Variants in ZNF469 observed in about 807,000 individuals in gnomAD.
ZNF469 encodes zinc finger protein 469.
A neutral mutation model predicts 1.0 loss-of-function variants in ZNF469; 1 was observed. The ratio of observed to expected loss-of-function variants is 1.00; its 90% CI spans 0.35 to 4.73. The LOEUF (loss-of-function observed/expected upper bound fraction) is 4.73, where lower values mean the gene tolerates loss of function less well. Ranked by LOEUF, ZNF469 falls within the 30% of genes most tolerant of loss-of-function variation. The pLI, the probability that ZNF469 is intolerant of heterozygous loss-of-function variation, is 0.16. For synonymous variants in ZNF469, 2,703 were observed against 2,363.4 expected, an observed-to-expected ratio of 1.14 and a Z score of -4.17; for missense variants, 6,100 against 5,356.3, an observed-to-expected ratio of 1.14 and a Z score of -4.33.
At chr16:88,421,762 T>C (rs1045097629) in intron 1 of ZNF469, among the ~76,000 whole-genome samples, 2 of 152,256 alleles carry the variant, frequency 1.3e-5, no homozygotes, top group Non-Finnish European at 2.9e-5. Flanking sequence ...TAGACAGTCC[T>C]GCCTTCAAAT....
the ZNF469 span, among the ~76,000 whole-genome samples, chr16:88,238,486 C>T: frequency 1.3e-5 from 2 of 152,196 alleles, no homozygotes; most frequent in South Asian, 2.1e-4. Flanking sequence ...GATAGATAGA[C>T]CCCAGATAGA....
At chr16:88,330,055 G>A in the ZNF469 span, among the ~76,000 whole-genome samples, 1 of 152,264 alleles carries the variant, frequency 6.6e-6, no homozygotes, top group African/African-American at 2.4e-5. Flanking sequence ...TGAAATGCCA[G>A]GCATAGGCAA....
At chr16:88,178,439 C>G in the ZNF469 span, 1 of 152,242 alleles carries the variant, frequency 6.6e-6, no homozygotes, top group Non-Finnish European at 1.5e-5. Context: ...ACAGGGGCAC[C>G]AGGCCCTAAG....
chr16:88,163,936 ATG>A, the ZNF469 span, among the ~76,000 whole-genome samples: 166 of 149,850 alleles, frequency 1.1e-3, 2 homozygotes, highest in Non-Finnish European at 4.0e-4. Flanking sequence ...GGATGGATGA[ATG>A]GCTGGGTGGG....
At chr16:88,143,572 G>A in the ZNF469 span, among the ~76,000 whole-genome samples, 10 of 151,952 alleles carry the variant, frequency 6.6e-5, no homozygotes, top group East Asian at 1.7e-3. Context: ...GCGTCTCCCT[G>A]CAGCAGGAGA....
At chr16:88,287,406 A>T in the ZNF469 span, among the ~76,000 whole-genome samples, 1 of 152,158 alleles carries the variant, frequency 6.6e-6, no homozygotes, top group Non-Finnish European at 1.5e-5. Context: ...GTTGTGTACA[A>T]CCGCACCAGC....
At position 88,428,581 on chromosome 16, in the gene ZNF469, A is replaced by G. The variant is rs774539844; in HGVS notation, c.1111A>G (p.Ser371Gly). ...CTCGGCCCCGAGACCCTTCTCTGAC[A>G]GTTTACACAAGAGCCTGACCAAAAT... ...AHSAPRPFSD[S>G]LHKSLTKILP... Residue 371 changes from serine (S) to glycine (G), a missense_variant, in exon 3 of 3, where the codon AGT becomes GGT. Physicochemically the swap from Ser to Gly is moderately conservative, Grantham distance 56 (BLOSUM62 0). Coordinates refer to ENST00000565624, the MANE Select transcript of ZNF469 (RefSeq NM_001367624.2). 2 of 1,550,164 alleles carry G rather than the reference A, an allele frequency of 1.3e-6. No homozygotes were observed. The highest frequency in any genetic ancestry group is 1.7e-6 in the Non-Finnish European group (2 of 1,146,850).
chr16:88,199,859 A>G, the ZNF469 span, among the ~76,000 whole-genome samples: 1 of 152,114 alleles, frequency 6.6e-6, no homozygotes, highest in Non-Finnish European at 1.5e-5. Context: ...TGTCCCACAG[A>G]TCAAGCCTCT....
the ZNF469 span, among the ~76,000 whole-genome samples, chr16:88,243,085 G>T: frequency 1.3e-5 from 2 of 152,100 alleles, no homozygotes; most frequent in African/African-American, 4.8e-5. Context: ...CCCACTTTCC[G>T]CTGCTTTATC....
At chr16:88,159,056 G>A in the ZNF469 span, among the ~76,000 whole-genome samples, 5 of 152,056 alleles carry the variant, frequency 3.3e-5, no homozygotes, top group South Asian at 4.2e-4. Flanking sequence ...CACCGGTCAC[G>A]GATGCTCATA....
rs886044697 is a variant in ZNF469 at position 88,433,907 on chromosome 16, TG to T, written c.6444del (p.Gln2149SerfsTer51). ...TCGCCTTCCAGGGCCCAAGGTGGGC[TG>T]GGGGGGCAGCTGCCAGCATCTCCGT... is the stretch of plus-strand genomic sequence containing the variant. ...LTSPSRAQGG[L>X]GGQLPASPSC... On this transcript the variant is annotated frameshift_variant, in exon 3 of 3. Transcript: ENST00000565624. LOFTEE classifies it low-confidence loss of function (END_TRUNC). 5.8e-6 allele frequency: 9 copies of T among 1,548,914 alleles called. No homozygotes were observed. Among genetic ancestry groups the T allele is most frequent in the South Asian group, 2.4e-5 (2 of 84,014 alleles).
chr16:88,422,195 C>T (rs568798634), intron 1 of ZNF469, among the ~76,000 whole-genome samples: 2 of 107,972 alleles, frequency 1.9e-5, no homozygotes, highest in Middle Eastern at 8.5e-3. Flanking sequence ...GGGACGGGCA[C>T]GTGGATGGAT....
At chr16:88,377,423 G>A in the ZNF469 span, among the ~76,000 whole-genome samples, 4,431 of 152,296 alleles carry the variant, frequency 0.029, 125 homozygotes, top group Non-Finnish European at 0.039. Flanking sequence ...GCCTGCAGTG[G>A]GGGTGTGTGC....
the ZNF469 span, among the ~76,000 whole-genome samples, chr16:88,273,016 G>A: frequency 1.3e-5 from 2 of 148,166 alleles, no homozygotes; most frequent in African/African-American, 5.1e-5. Flanking sequence ...ACGAGTGGAC[G>A]GATGGATGAA....
the ZNF469 span, among the ~76,000 whole-genome samples, chr16:88,117,661 A>AGGGG: frequency 6.7e-6 from 1 of 150,270 alleles, no homozygotes; most frequent in South Asian, 2.1e-4. Flanking sequence ...TGTCTTCACA[A>AGGGG]ACCGTGGAGG....
At chr16:88,193,045 GT>G in the ZNF469 span, among the ~76,000 whole-genome samples, 3 of 57,088 alleles carry the variant, frequency 5.3e-5, no homozygotes, top group South Asian at 5.9e-4. Context: ...GATGGTGGTG[GT>G]GATGATGGTG....
the ZNF469 span, among the ~76,000 whole-genome samples, chr16:88,222,062 C>G: frequency 6.6e-6 from 1 of 152,122 alleles, no homozygotes; most frequent in Non-Finnish European, 1.5e-5. Flanking sequence ...CACTCTCACA[C>G]TTTCTGAGCT....
At chr16:88,225,562 G>A in the ZNF469 span, among the ~76,000 whole-genome samples, 1 of 151,672 alleles carries the variant, frequency 6.6e-6, no homozygotes, top group Admixed American at 6.6e-5. Context: ...AGGAGGAGCC[G>A]CCCATGCCCT....
chr16:88,365,475 C>T, the ZNF469 span, among the ~76,000 whole-genome samples: 1 of 152,202 alleles, frequency 6.6e-6, no homozygotes, highest in Non-Finnish European at 1.5e-5. Context: ...GCTGCTGGAC[C>T]AGGAGGTGGC....
Sources: gnomAD v4.1 joint callset for allele counts (sites outside exome capture counted in the v4.1 genomes callset) on GRCh38, gnomAD v4.1.1 for gene constraint, MANE v1.5 for transcripts, NCBI Gene and HGNC (gene_info 2026-07-23, HGNC 2026-07-21) for gene names.